Variants in IL15RA observed in about 807,000 individuals in gnomAD.
IL15RA encodes interleukin 15 receptor subunit alpha.
A neutral mutation model predicts 24.2 loss-of-function variants in IL15RA; 26 were observed. That is an observed-to-expected ratio of 1.07 (90% CI 0.79 to 1.49). The LOEUF is 1.49. Ranked by LOEUF, IL15RA falls within the 40% of genes most tolerant of loss-of-function variation. The pLI, the probability that IL15RA is intolerant of heterozygous loss-of-function variation, is 0.00. For missense variants in IL15RA, 354 were observed against 356.4 expected, an observed-to-expected ratio of 0.99 and a Z score of 0.05; for synonymous variants, 166 against 157.6, an observed-to-expected ratio of 1.05 and a Z score of -0.40.
chr10:5,966,104 G>C lies in IL15RA; in HGVS notation c.283+41C>G, dbSNP rs759896345. 1.4e-5 allele frequency: 19 copies of C among 1,384,066 alleles called. No individual in the cohort carries two copies. In the African/African-American group the frequency reaches 2.5e-4, roughly 19 times the overall value. 85.7% of individuals were successfully genotyped at this position (1,384,066 alleles called of 1,614,324 possible). A position where few individuals can be genotyped will look rare whatever the true frequency, so the allele number is the denominator to read the frequency against. Reference sequence around the variant, plus strand: ...TCTTCTCTCTGTGCAGCCTTGGCAGGGTGGGGGAGGGAGGAAGGTGGGGTG... The same window carrying C: ...TCTTCTCTCTGTGCAGCCTTGGCAGCGTGGGGGAGGGAGGAAGGTGGGGTG... On this transcript the variant is annotated intron_variant, in intron 2 of 6. Coordinates refer to ENST00000379977, the MANE Select transcript of IL15RA (RefSeq NM_002189.4). This position sits in a 1 kb window ranked among gnomAD's most constrained non-coding sequence, Gnocchi z 6.4.
In IL15RA at chr10:5,973,078, C is replaced by T. The variant is rs768848110; in HGVS notation, c.88+4327G>A. ...TCAAACAAAGCAGTCTTCTCAGTTGCTTCTGGCCATCGCCCGCAATCTTTC... is the reference window on the plus strand; with the variant it reads ...TCAAACAAAGCAGTCTTCTCAGTTGTTTCTGGCCATCGCCCGCAATCTTTC... On this transcript the variant is annotated intron_variant, in intron 1 of 6. Transcript: ENST00000379977. The surrounding 1 kb of genome is among the most constrained non-coding windows in gnomAD (Gnocchi z 4.5). 6.6e-6 allele frequency among the ~76,000 whole-genome samples: 1 copy of T among 152,218 alleles called. No individual in the cohort carries two copies. The highest frequency in any genetic ancestry group is 1.5e-5 in the Non-Finnish European group (1 of 68,036).
At chr10:5,951,141 C>CAAAAAAAAAGA (rs1833838361), downstream of IL15RA, among the ~76,000 whole-genome samples, 1 of 35,922 alleles carries the variant, frequency 2.8e-5, no homozygotes, top group African/African-American at 1.2e-4. Flanking sequence ...GACTCAGTCT[C>CAAAAAAAAAGA]AAAAAAAAAA....
At position 5,964,482 on chromosome 10, in the gene IL15RA, T is replaced by A. The variant is rs1423080483; in HGVS notation, c.284-641A>T. On this transcript the variant is annotated intron_variant, in intron 2 of 6. Transcript: ENST00000379977. This position sits in a 1 kb window ranked among gnomAD's most constrained non-coding sequence, Gnocchi z 5.6. ...CATACCTGGCTTACATTTCACTTGT[T>A]GAGCAGGAAAAAAGTCATTCAAAGC... Among the ~76,000 whole-genome samples the A allele has an allele frequency of 6.6e-6, 1 of 152,178 alleles. No individual in the cohort carries two copies. The highest frequency in any genetic ancestry group is 6.5e-5 in the Admixed American group (1 of 15,280).
chr10:5,969,853 T>C (rs1393016984), intron 1 of IL15RA, among the ~76,000 whole-genome samples: 2 of 152,258 alleles, frequency 1.3e-5, no homozygotes, highest in Non-Finnish European at 1.5e-5. Context: ...TCTCCAGAAA[T>C]GTTTTATAAT....
intron 1 of IL15RA, chr10:5,969,028 T>C: frequency 6.7e-7 from 1 of 1,489,748 alleles, no homozygotes; most frequent in Non-Finnish European, 9.0e-7. Context: ...ACTAAGTGTA[T>C]TGTGTGTGTT....
Position 5,966,912 on chromosome 10 carries a change from C to T in IL15RA, c.89-573G>A, listed in dbSNP as rs543903227. ...GCTTGAACCTGGGAGGCAGAGGTTG[C>T]AGTGAGCCACGATCACACCACTGCA... is the stretch of plus-strand genomic sequence containing the variant. On this transcript the variant is annotated intron_variant, in intron 1 of 6. Coordinates refer to ENST00000379977, the MANE Select transcript of IL15RA (RefSeq NM_002189.4). This position sits in a 1 kb window ranked among gnomAD's most constrained non-coding sequence, Gnocchi z 6.4. 1.6e-4 allele frequency among the ~76,000 whole-genome samples: 24 copies of T among 151,496 alleles called. No homozygotes were observed. Among genetic ancestry groups the T allele is most frequent in the African/African-American group, 5.8e-4 (24 of 41,384 alleles).
At chr10:5,972,108 A>G (rs1837705962) in intron 1 of IL15RA, among the ~76,000 whole-genome samples, 1 of 152,152 alleles carries the variant, frequency 6.6e-6, no homozygotes, top group Non-Finnish European at 1.5e-5. Flanking sequence ...TGCAGCTCCT[A>G]TTCTCTGGAG....
chr10:5,953,448 A>T lies in IL15RA; in HGVS notation c.693-242T>A, dbSNP rs563131418. On this transcript the variant is annotated intron_variant, in intron 6 of 6. Transcript: ENST00000379977. This position sits in a 1 kb window ranked among gnomAD's most constrained non-coding sequence, Gnocchi z 5.3. ...CCAGGTGTGGTGGCGCATGCCTGTA[A>T]TCCTAGCACTTTAGGAGGCTGTCGT... 192 of 679,914 alleles carry T rather than the reference A, an allele frequency of 2.8e-4. No individual in the cohort carries two copies. Among genetic ancestry groups the T allele is most frequent in the Non-Finnish European group, 4.8e-4 (179 of 372,802 alleles). The allele number at this position is 679,914 out of a possible 1,614,324, so 42.1% of individuals were successfully genotyped here. A position where few individuals can be genotyped will look rare whatever the true frequency, so the allele number is the denominator to read the frequency against.
chr10:5,974,099 A>G (rs1334229104), intron 1 of IL15RA, among the ~76,000 whole-genome samples: 1 of 152,120 alleles, frequency 6.6e-6, no homozygotes, highest in Non-Finnish European at 1.5e-5. Flanking sequence ...TCCAGGGTTC[A>G]AGCGATTCTC....
chr10:5,956,347 C>T (rs1228965106), intron 6 of IL15RA, 32 bp downstream of exon 6: 1 of 1,558,210 alleles, frequency 6.4e-7, no homozygotes, highest in Non-Finnish European at 8.9e-7. Context: ...GGAAGTCTAA[C>T]TCTTGCAGAG....
Position 5,963,761 on chromosome 10 carries a change from G to A in IL15RA, c.364C>T (p.Leu122Phe), listed in dbSNP as rs200674526. The part of the protein sequence containing the change: ...TAGVTPQPES[L>F]SPSGKEPAAS... ...TTCCTACCTTTTCCAGAAGGGGAGA[G>A]GCTCTCTGGCTGTGGGGTCACCCCT... Residue 122 changes from leucine to phenylalanine, a missense_variant, in exon 3 of 7, where the codon CTC (leucine) becomes TTC (phenylalanine). Leu to Phe is a conservative substitution (Grantham distance 22). Transcript: ENST00000379977. This position sits in a 1 kb window ranked among gnomAD's most constrained non-coding sequence, Gnocchi z 5.3. The A allele has an allele frequency of 6.6e-6, 10 of 1,520,658 alleles. No homozygotes were observed. The African/African-American group carries it at 8.8e-5, about 13-fold the overall frequency. 94.2% of individuals were successfully genotyped at this position (1,520,658 alleles called of 1,614,324 possible). A position where few individuals can be genotyped will look rare whatever the true frequency, so the allele number is the denominator to read the frequency against.
At position 5,961,936 on chromosome 10, in the gene IL15RA, G is replaced by A. The variant is rs916021915; in HGVS notation, c.383-1369C>T. Among the ~76,000 whole-genome samples the A allele has an allele frequency of 6.6e-6, 1 of 152,296 alleles. No individual in the cohort carries two copies. Among genetic ancestry groups the A allele is most frequent in the East Asian group, 1.9e-4 (1 of 5,184 alleles). The stretch of plus-strand genomic sequence containing the variant: ...AACTTGCCCTACGCTCACTGCCAAT[G>A]CTCCAGGGCTCCCTGCACAGGACGC... On this transcript the variant is annotated intron_variant, in intron 3 of 6. Transcript: ENST00000379977. This position sits in a 1 kb window ranked among gnomAD's most constrained non-coding sequence, Gnocchi z 5.2.
rs1293579365 is a variant in IL15RA, at chr10:5,966,446, C to G, written c.89-107G>C. The G allele has an allele frequency of 1.1e-6, 1 of 911,728 alleles. No homozygotes were observed. Among genetic ancestry groups the G allele is most frequent in the Non-Finnish European group, 1.7e-6 (1 of 595,992 alleles). The allele number at this position is 911,728 out of a possible 1,614,324, so 56.5% of individuals were successfully genotyped here. On this transcript the variant is annotated intron_variant, in intron 1 of 6. Coordinates refer to ENST00000379977, the MANE Select transcript of IL15RA (RefSeq NM_002189.4). The surrounding 1 kb of genome is among the most constrained non-coding windows in gnomAD (Gnocchi z 6.4). ...AGTGTCCAGCTTATCCTAGGGGTGC[C>G]TCAGGACAAGCCCCAGGTGCCAGGC...
In IL15RA at chr10:5,962,652, C is replaced by A. The variant is rs1407696534; in HGVS notation, c.382+1091G>T. 1.3e-5 allele frequency among the ~76,000 whole-genome samples: 2 copies of A among 151,730 alleles called. No homozygotes were observed. The highest frequency in any genetic ancestry group is 2.9e-5 in the Non-Finnish European group (2 of 67,976). Reference sequence around the variant, plus strand: ...AGAGGCGTGAGTCCCAGATTGCACCCAGGCCAACTGGAGTGCCCAGGTGAT... The same window carrying A: ...AGAGGCGTGAGTCCCAGATTGCACCAAGGCCAACTGGAGTGCCCAGGTGAT... On this transcript the variant is annotated intron_variant, in intron 3 of 6. Coordinates refer to ENST00000379977, the MANE Select transcript of IL15RA (RefSeq NM_002189.4). This position sits in a 1 kb window ranked among gnomAD's most constrained non-coding sequence, Gnocchi z 5.2.
At position 5,958,181 on chromosome 10, in the gene IL15RA, T is replaced by C; in HGVS notation, c.616+1573A>G. ...GCTGTTAAAAACGATGAGATGGTTT[T>C]TGTGTCCTGATATGGGAGGATCTAC... is the stretch of plus-strand genomic sequence containing the variant. On this transcript the variant is annotated intron_variant, in intron 5 of 6. Transcript: ENST00000379977. This position sits in a 1 kb window ranked among gnomAD's most constrained non-coding sequence, Gnocchi z 4.3. 1 of 335,848 alleles carries C rather than the reference T, an allele frequency of 3.0e-6. No homozygotes were observed. Among genetic ancestry groups the C allele is most frequent in the Admixed American group, 3.8e-5 (1 of 26,586 alleles). The allele number at this position is 335,848 out of a possible 1,614,324, so 20.8% of individuals were successfully genotyped here.
chr10:5,960,298 GGATCTCAGCCCC>G lies in IL15RA; in HGVS notation c.583+57_583+68del. 7.2e-7 allele frequency: 1 copy of G among 1,390,848 alleles called. No individual in the cohort carries two copies. Among genetic ancestry groups the G allele is most frequent in the Non-Finnish European group, 1.0e-6 (1 of 979,320 alleles). The allele number at this position is 1,390,848 out of a possible 1,614,324, so 86.2% of individuals were successfully genotyped here. ...TGATGGTATAAAGCTGCCTTGTGCC[GGATCTCAGCCCC>G]GATCTCAGAAGCAGCAATGGGGAAC... On this transcript the variant is annotated intron_variant, in intron 4 of 6. Coordinates refer to ENST00000379977, the MANE Select transcript of IL15RA (RefSeq NM_002189.4). This position sits in a 1 kb window ranked among gnomAD's most constrained non-coding sequence, Gnocchi z 5.1.
upstream of IL15RA, among the ~76,000 whole-genome samples, chr10:5,978,650 C>T (rs528199719): frequency 6.6e-6 from 1 of 152,182 alleles, no homozygotes; most frequent in Non-Finnish European, 1.5e-5. This position sits in a 1 kb window ranked among gnomAD's most constrained non-coding sequence, Gnocchi z 5.2. Flanking sequence ...AATCCAAGCA[C>T]TTTCGGAGGC....
At position 5,959,170 on chromosome 10, in the gene IL15RA, C is replaced by CTTTTTTT. The variant is rs566891770; in HGVS notation, c.616+577_616+583dup. 1.4e-5 allele frequency among the ~76,000 whole-genome samples: 2 copies of CTTTTTTT among 138,244 alleles called. No individual in the cohort carries two copies. The allele number at this position is 138,244 out of a possible 152,430, so 90.7% of individuals were successfully genotyped here. On this transcript the variant is annotated intron_variant, in intron 5 of 6. Transcript: ENST00000379977. The surrounding 1 kb of genome is among the most constrained non-coding windows in gnomAD (Gnocchi z 4.1). ...GTTAACTTTTTTTCTTTTTCTTTTT[C>CTTTTTTT]TTTTTTTTTTTTTTTAATAGAGATG...
At position 5,955,955 on chromosome 10, in the gene IL15RA, T is replaced by C. The variant is rs1834458912; in HGVS notation, c.692+424A>G. On this transcript the variant is annotated intron_variant, in intron 6 of 6. Coordinates refer to ENST00000379977, the MANE Select transcript of IL15RA (RefSeq NM_002189.4). The surrounding 1 kb of genome is among the most constrained non-coding windows in gnomAD (Gnocchi z 5.3). ...TAGAGAAGGGGTGTGTGAGAGCCGA[T>C]GGCCAGGAAAGGCGTCCTTCTTGGG... 6.6e-6 allele frequency among the ~76,000 whole-genome samples: 1 copy of C among 152,160 alleles called. No homozygotes were observed. Among genetic ancestry groups the C allele is most frequent in the East Asian group, 1.9e-4 (1 of 5,192 alleles).
Sources: gnomAD v4.1 joint callset for allele counts (sites outside exome capture counted in the v4.1 genomes callset) on GRCh38, gnomAD v4.1.1 for gene constraint, Gnocchi (gnomAD v3.1) non-coding constraint, MANE v1.5 for transcripts, NCBI Gene and HGNC (gene_info 2026-07-23, HGNC 2026-07-21) for gene names.